Variants in TRIM16 observed in about 807,000 individuals in gnomAD.
TRIM16 encodes the protein tripartite motif-containing protein 16.
A neutral mutation model predicts 50.4 loss-of-function variants in TRIM16; 33 were observed. That is an observed-to-expected ratio of 0.65 (90% confidence interval 0.50 to 0.88). The LOEUF (loss-of-function observed/expected upper bound fraction) is 0.88. TRIM16 is among the 40% of genes least tolerant of loss of function. The probability of loss-of-function intolerance (pLI) is 0.00; values close to 1 mark genes in which losing one functional copy is unlikely to be tolerated. For synonymous variants in TRIM16, 229 were observed against 270.7 expected (o/e 0.85, Z 1.51); for missense variants, 581 against 686.8 (o/e 0.85, Z 1.72).
At chr17:15,644,919 G>GTA (rs1987293026) in intron 7 of TRIM16, among the ~76,000 whole-genome samples, 1 of 151,410 alleles carries the variant, frequency 6.6e-6, no homozygotes, top group Admixed American at 6.6e-5. Flanking sequence ...GGGTTCATGC[G>GTA]ATTCTCCTGC....
chr17:15,655,986 G>T (rs1204326189), intron 6 of TRIM16, among the ~76,000 whole-genome samples: 1 of 152,128 alleles, frequency 6.6e-6, no homozygotes, highest in Non-Finnish European at 1.5e-5. Flanking sequence ...GTTGCGGTGG[G>T]GTCTAAGTGC....
In TRIM16 at chr17:15,628,960, G is replaced by A. The variant is rs1360344919; in HGVS notation, c.1350C>T (p.Asp450=). The change falls in exon 12 of 12, where the codon GAC becomes GAT. Residue 450 remains aspartate, a synonymous_variant. Coordinates refer to ENST00000649191, the MANE Select transcript of TRIM16 (RefSeq NM_001348119.1). ...TYVGLTCKGI[D]RKGEERNSCI... ...AACTGTTGCGCTCCTCCCCTTTCCG[G>A]TCGATGCCTTTGCAGGTCAGGCCAA... 6.2e-7 allele frequency: 1 copy of A among 1,614,086 alleles called. No homozygotes were observed. Among genetic ancestry groups the A allele is most frequent in the African/African-American group, 1.3e-5 (1 of 74,914 alleles).
intron 6 of TRIM16, chr17:15,654,544 T>A (rs1037493332): frequency 3.3e-5 from 5 of 152,244 alleles, no homozygotes; most frequent in Non-Finnish European, 1.5e-5. Flanking sequence ...CTTTAAAAAT[T>A]AACTGCTTGT....
At chr17:15,629,611 T>C (rs563534057) in intron 11 of TRIM16, among the ~76,000 whole-genome samples, 1 of 152,404 alleles carries the variant, frequency 6.6e-6, no homozygotes, top group African/African-American at 2.4e-5. Flanking sequence ...TTAAAATATT[T>C]GACCAACATC....
intron 3 of TRIM16, 154 bp from the exon 4 acceptor site, chr17:15,681,107 G>A (rs577021641): frequency 2.6e-5 from 16 of 619,062 alleles, no homozygotes; most frequent in Non-Finnish European, 3.8e-5. Context: ...AGACTTCAAA[G>A]ATAATCTCAG....
chr17:15,630,101 C>A (rs2150895005), intron 11 of TRIM16, among the ~76,000 whole-genome samples: 1 of 152,292 alleles, frequency 6.6e-6, no homozygotes, highest in South Asian at 2.1e-4. Flanking sequence ...TGGTCCTTTC[C>A]TGTGTCTCTG....
At chr17:15,675,904 G>C (rs186455871) in intron 6 of TRIM16, among the ~76,000 whole-genome samples, 30 of 150,588 alleles carry the variant, frequency 2.0e-4, no homozygotes, top group Admixed American at 1.7e-3. Flanking sequence ...GTGTTCGTTA[G>C]AGTTCTAGGC....
At chr17:15,679,734 G>A (rs1288430254) in intron 4 of TRIM16, among the ~76,000 whole-genome samples, 4 of 152,016 alleles carry the variant, frequency 2.6e-5, no homozygotes, top group Non-Finnish European at 5.9e-5. Context: ...TCAGGAGATC[G>A]AGACCATCCT....
chr17:15,647,415 A>G (rs1244955138), intron 7 of TRIM16, among the ~76,000 whole-genome samples: 1 of 152,246 alleles, frequency 6.6e-6, no homozygotes, highest in Non-Finnish European at 1.5e-5. Context: ...CTTGCTCACC[A>G]TGGAGACTGT....
intron 6 of TRIM16, among the ~76,000 whole-genome samples, chr17:15,674,682 T>G (rs1375390232): frequency 6.6e-6 from 1 of 152,194 alleles, no homozygotes; most frequent in African/African-American, 2.4e-5. Context: ...CTCCTCTCTG[T>G]TCTTGCCATT....
chr17:15,650,870 G>A (rs1015243696), intron 7 of TRIM16, among the ~76,000 whole-genome samples: 2 of 152,184 alleles, frequency 1.3e-5, no homozygotes, highest in African/African-American at 4.8e-5. Context: ...CACAGAGACA[G>A]TGGGACAGAG....
At chr17:15,663,529 A>C (rs1164902690) in intron 6 of TRIM16, among the ~76,000 whole-genome samples, 2 of 152,196 alleles carry the variant, frequency 1.3e-5, no homozygotes, top group Admixed American at 1.3e-4. Context: ...CAGTAAGCCG[A>C]GGATAAAGAA....
chr17:15,652,395 G>A (rs75138695), intron 6 of TRIM16, among the ~76,000 whole-genome samples: 3 of 137,792 alleles, frequency 2.2e-5, no homozygotes, highest in South Asian at 2.3e-4. Context: ...CCCTGATCTC[G>A]TGATCCACCC....
In TRIM16 at chr17:15,629,490, C is replaced by A. The variant is rs147110969; in HGVS notation, c.1112-292G>T. Among the ~76,000 whole-genome samples, 553 of 152,380 alleles carry A rather than the reference C, an allele frequency of 3.6e-3. 1 individual carries two copies. Among genetic ancestry groups the A allele is most frequent in the Middle Eastern group, 0.031 (9 of 294 alleles). On this transcript the variant is annotated intron_variant, in intron 11 of 11. Coordinates refer to ENST00000649191, the MANE Select transcript of TRIM16 (RefSeq NM_001348119.1). Reference sequence around the variant, plus strand: ...TAATTTACTCATTCATGCATTCATTCATTCATTCAACAAACATGTATTGAA... The same window carrying A: ...TAATTTACTCATTCATGCATTCATTAATTCATTCAACAAACATGTATTGAA...
chr17:15,677,086 G>A, intron 6 of TRIM16, 90 bp downstream of exon 6: 6 of 730,598 alleles, frequency 8.2e-6, no homozygotes, highest in Non-Finnish European at 1.0e-5. Context: ...AGACTGCAGG[G>A]GGATTCAACA....
chr17:15,663,961 C>A (rs983804024), intron 6 of TRIM16, among the ~76,000 whole-genome samples: 1 of 152,152 alleles, frequency 6.6e-6, no homozygotes, highest in Non-Finnish European at 1.5e-5. Context: ...TGTGTACAGG[C>A]CCCATGGTGA....
At chr17:15,684,055 A>G (rs565508770) in intron 1 of TRIM16, 141 bp downstream of exon 1, 24 of 152,388 alleles carry the variant, frequency 1.6e-4, no homozygotes, top group African/African-American at 5.1e-4. Context: ...GACACGCTCC[A>G]GGGGCAGAGG....
At chr17:15,666,152 C>T (rs1597659317) in intron 6 of TRIM16, among the ~76,000 whole-genome samples, 2 of 152,330 alleles carry the variant, frequency 1.3e-5, no homozygotes, top group African/African-American at 4.8e-5. Context: ...TGGATTATGG[C>T]AATAGGCTCC....
rs767519631 is a variant in TRIM16, at chr17:15,651,278, T to C, written c.332A>G (p.Asn111Ser). Residue 111 changes from asparagine to serine, a missense_variant, in exon 7 of 12, where the codon AAC becomes AGC. Asn to Ser is a conservative substitution (Grantham distance 46). This residue lies in a region of TRIM16 where 450 missense variants were observed against 544.3 expected (regional missense o/e 0.83). Transcript: ENST00000649191. Reference sequence around the variant, plus strand: ...CAGCAGGTGGCTTTGCAGTTTGATGTTCACCTGATGCGGCTGCAAGTGCTC... The same window carrying C: ...CAGCAGGTGGCTTTGCAGTTTGATGCTCACCTGATGCGGCTGCAAGTGCTC... ...CEEHLQPHQV[N>S]IKLQSHLLTE... is the part of the protein sequence containing the mutation. 1 of 1,614,222 alleles carries C rather than the reference T, an allele frequency of 6.2e-7. No individual in the cohort carries two copies. The highest frequency in any genetic ancestry group is 8.5e-7 in the Non-Finnish European group (1 of 1,180,042).
Sources: gnomAD v4.1 joint callset for allele counts (sites outside exome capture counted in the v4.1 genomes callset) on GRCh38, gnomAD v4.1.1 for gene constraint, gnomAD v4.1.1 regional missense constraint, MANE v1.5 for transcripts, NCBI Gene and HGNC (gene_info 2026-07-23, HGNC 2026-07-21) for gene names.